ABCB11: variants seen among roughly 807,000 people sequenced by gnomAD.
The protein encoded by ABCB11 is bile salt export pump.
Under a neutral mutation model 148.0 loss-of-function variants are expected in ABCB11, and 95 were observed. The observed-to-expected ratio is 0.64, with a 90% CI of 0.54 to 0.76. ABCB11 has a LOEUF of 0.76. Among genes scored for constraint, ABCB11 ranks in the 30% least tolerant of loss-of-function variants. ABCB11 has a pLI of 0.00. For synonymous variants in ABCB11, 591 were observed against 555.4 expected (o/e 1.06, Z -0.90); for missense variants, 1,523 against 1,617.8 (o/e 0.94, Z 1.01).
At chr2:168,945,082 T>C (rs183449403) in intron 19 of ABCB11, 121 bp from the exon 20 acceptor site, 3 of 667,162 alleles carry the variant, frequency 4.5e-6, no homozygotes, top group East Asian at 5.6e-5. Flanking sequence ...TCATAAAATA[T>C]ACAACACCAA....
intron 9 of ABCB11, among the ~76,000 whole-genome samples, chr2:168,987,207 T>A (rs765631447): frequency 3.3e-5 from 5 of 152,184 alleles, no homozygotes; most frequent in African/African-American, 1.2e-4. Flanking sequence ...CAACTGAGAA[T>A]AACACCATCT....
chr2:168,946,980 C>T (rs1255785160), intron 19 of ABCB11, among the ~76,000 whole-genome samples: 1 of 151,780 alleles, frequency 6.6e-6, no homozygotes, highest in African/African-American at 2.4e-5. Flanking sequence ...AAATTCTGCT[C>T]CACGAGTTCT....
intron 21 of ABCB11, among the ~76,000 whole-genome samples, chr2:168,941,093 T>C (rs1194015758): frequency 1.3e-5 from 2 of 152,058 alleles, no homozygotes; most frequent in African/African-American, 4.8e-5. Flanking sequence ...CCAACATGAA[T>C]TCTGCTGCCC....
chr2:169,025,301 T>C (rs1419637770), intron 1 of ABCB11, among the ~76,000 whole-genome samples: 1 of 152,210 alleles, frequency 6.6e-6, no homozygotes, highest in Admixed American at 6.5e-5. Context: ...TCTACGTAGT[T>C]GGATTTATTT....
At chr2:169,028,036 A>G (rs1313295702) in intron 1 of ABCB11, among the ~76,000 whole-genome samples, 1 of 152,014 alleles carries the variant, frequency 6.6e-6, no homozygotes, top group Non-Finnish European at 1.5e-5. Context: ...TTCATTTTCT[A>G]TTATCTTTGG....
intron 5 of ABCB11, among the ~76,000 whole-genome samples, chr2:169,000,639 T>A (rs780815774): frequency 5.9e-5 from 9 of 152,174 alleles, no homozygotes; most frequent in Non-Finnish European, 1.2e-4. Context: ...TCTATATATC[T>A]GTCCTCTGTC....
At chr2:168,923,964 G>T in intron 27 of ABCB11, 142 bp from the exon 28 acceptor site, 1 of 738,432 alleles carries the variant, frequency 1.4e-6, no homozygotes, top group Non-Finnish European at 2.2e-6. Context: ...AGAGGATTAA[G>T]CAAGTATTCC....
chr2:168,941,020 C>A (rs1692037945), intron 21 of ABCB11, among the ~76,000 whole-genome samples: 1 of 152,036 alleles, frequency 6.6e-6, no homozygotes, highest in African/African-American at 2.4e-5. Flanking sequence ...TGACAACGCA[C>A]CTAGTCACCC....
intron 26 of ABCB11, among the ~76,000 whole-genome samples, chr2:168,925,413 G>A (rs962942150): frequency 6.6e-6 from 1 of 152,200 alleles, no homozygotes; most frequent in African/African-American, 2.4e-5. Flanking sequence ...CTCATGCCTG[G>A]CATGGCTACA....
In ABCB11 at chr2:168,936,419, C is replaced by G; in HGVS notation, c.2625G>C (p.Gln875His). ...TGAAGGAATTGACTATCATCCCGAT[C>G]TGAGAGCCGGCAGCCTGCAAACCAA... Reference protein sequence around the residue: ...ASQVQGAAGSQIGMIVNSFTN... With the variant: ...ASQVQGAAGSHIGMIVNSFTN... The change falls in exon 22 of 28, where the codon CAG (glutamine) becomes CAC (histidine). Residue 875 changes from glutamine to histidine, a missense_variant. By Grantham distance (24) the Gln-to-His change is conservative (BLOSUM62 0). Coordinates refer to ENST00000650372, the MANE Select transcript of ABCB11 (RefSeq NM_003742.4). 3 of 1,613,926 alleles carry G rather than the reference C, an allele frequency of 1.9e-6. No individual in the cohort carries two copies. Among genetic ancestry groups the G allele is most frequent in the Non-Finnish European group, 2.5e-6 (3 of 1,179,888 alleles).
intron 23 of ABCB11, 116 bp downstream of exon 23, chr2:168,935,068 A>C: frequency 2.2e-6 from 3 of 1,371,624 alleles, no homozygotes; most frequent in Non-Finnish European, 3.0e-6. Context: ...AATCCCAGCT[A>C]TTGTAAGACA....
intron 5 of ABCB11, among the ~76,000 whole-genome samples, chr2:169,006,177 T>C (rs1014037549): frequency 1.3e-5 from 2 of 152,204 alleles, no homozygotes; most frequent in African/African-American, 4.8e-5. Context: ...TCCTGCAGCA[T>C]AGTAAAATGA....
intron 21 of ABCB11, among the ~76,000 whole-genome samples, chr2:168,941,608 G>A (rs1386645821): frequency 6.6e-6 from 1 of 152,088 alleles, no homozygotes; most frequent in Non-Finnish European, 1.5e-5. Flanking sequence ...TGGTGAAAAT[G>A]CTATGTTAAT....
chr2:168,919,321 C>T (rs1418792746), downstream of ABCB11, among the ~76,000 whole-genome samples: 4 of 152,140 alleles, frequency 2.6e-5, no homozygotes, highest in Admixed American at 2.6e-4. Flanking sequence ...AATCTCCAAT[C>T]TCACTCTCTT....
chr2:169,021,336 A>G (rs759728971), intron 1 of ABCB11, among the ~76,000 whole-genome samples: 17 of 152,050 alleles, frequency 1.1e-4, no homozygotes, highest in Non-Finnish European at 1.8e-4. Flanking sequence ...AAAGGGTGAA[A>G]AGGATACGTC....
chr2:168,945,960 C>A (rs574034668), intron 19 of ABCB11, among the ~76,000 whole-genome samples: 1 of 151,890 alleles, frequency 6.6e-6, no homozygotes, highest in Non-Finnish European at 1.5e-5. Flanking sequence ...TAAAAAACTA[C>A]GGCCATTGTG....
intron 18 of ABCB11, 21 bp downstream of exon 18, chr2:168,964,185 C>A (rs1400592930): frequency 9.2e-6 from 14 of 1,522,904 alleles, no homozygotes; most frequent in South Asian, 4.8e-5. Flanking sequence ...CATTCCCCCC[C>A]ATAAGCAGTT....
At chr2:168,961,675 T>C (rs1693084039) in intron 18 of ABCB11, among the ~76,000 whole-genome samples, 1 of 151,784 alleles carries the variant, frequency 6.6e-6, no homozygotes, top group Non-Finnish European at 1.5e-5. Context: ...TGACCCCGTT[T>C]ACAGGAGCTA....
chr2:168,984,565 T>C (rs1341128266), intron 10 of ABCB11, among the ~76,000 whole-genome samples: 1 of 152,200 alleles, frequency 6.6e-6, no homozygotes, highest in African/African-American at 2.4e-5. Context: ...TAACTCATTA[T>C]GTTTCACAAG....
Sources: gnomAD v4.1 joint callset for allele counts (sites outside exome capture counted in the v4.1 genomes callset) on GRCh38, gnomAD v4.1.1 for gene constraint, MANE v1.5 for transcripts, NCBI Gene and HGNC (gene_info 2026-07-23, HGNC 2026-07-21) for gene names.